The following HSD17B12 variants were observed in gnomAD, a reference collection of about 807,000 sequenced individuals.
HSD17B12 encodes the protein very-long-chain 3-oxoacyl-CoA reductase.
Under a neutral mutation model 39.3 loss-of-function variants are expected in HSD17B12, and 32 were observed. The observed-to-expected ratio is 0.81, with a 90% CI of 0.61 to 1.09. HSD17B12 has a LOEUF of 1.09. HSD17B12 is among the 50% of genes least tolerant of loss of function. HSD17B12 has a pLI of 0.00. For missense variants in HSD17B12, 342 were observed against 382.9 expected (o/e 0.89, Z 0.89); for synonymous variants, 150 against 146.7 (o/e 1.02, Z -0.16).
the HSD17B12 span, among the ~76,000 whole-genome samples, chr11:43,650,153 C>A: frequency 6.6e-6 from 1 of 152,076 alleles, no homozygotes; most frequent in Admixed American, 6.6e-5. Flanking sequence ...ATAACAGGAA[C>A]AAATACTGGG....
intron 1 of HSD17B12, among the ~76,000 whole-genome samples, chr11:43,682,023 T>C (rs886373684): frequency 1.3e-5 from 2 of 152,166 alleles, no homozygotes; most frequent in Admixed American, 6.6e-5. Context: ...TTTGGGGTGG[T>C]TAGGCATTGC....
the HSD17B12 span, among the ~76,000 whole-genome samples, chr11:43,565,149 G>A: frequency 2.0e-5 from 3 of 152,132 alleles, no homozygotes; most frequent in South Asian, 2.1e-4. Context: ...ATCCACCTGC[G>A]TTGGCCTCCC....
intron 4 of HSD17B12, among the ~76,000 whole-genome samples, chr11:43,801,694 T>C (rs1950971368): frequency 6.6e-6 from 1 of 151,578 alleles, no homozygotes; most frequent in South Asian, 2.1e-4. Flanking sequence ...GTCCTACAGA[T>C]ATAGTTTGGA....
chr11:43,577,332 G>A, the HSD17B12 span, among the ~76,000 whole-genome samples: 2 of 152,326 alleles, frequency 1.3e-5, no homozygotes, highest in South Asian at 4.1e-4. Flanking sequence ...GAGAGCTTTG[G>A]GGGGAAGGAG....
At chr11:43,633,623 G>A in the HSD17B12 span, among the ~76,000 whole-genome samples, 1,138 of 152,252 alleles carry the variant, frequency 7.5e-3, 16 homozygotes, top group African/African-American at 0.026. Flanking sequence ...TCTGAGAGAA[G>A]GAGAATGACT....
At chr11:43,702,440 G>A (rs2863001) in intron 1 of HSD17B12, among the ~76,000 whole-genome samples, 135,560 of 152,266 alleles carry the variant, frequency 0.89, 60,856 homozygotes, top group East Asian at 0.98. Context: ...GTTTTTCCCC[G>A]TTCTGTATGA....
At chr11:43,607,165 T>G in the HSD17B12 span, among the ~76,000 whole-genome samples, 1 of 152,194 alleles carries the variant, frequency 6.6e-6, no homozygotes, top group Non-Finnish European at 1.5e-5. Flanking sequence ...AGTAGGATAT[T>G]GTATCCTAAA....
chr11:43,584,009 C>T, the HSD17B12 span, among the ~76,000 whole-genome samples: 2 of 152,114 alleles, frequency 1.3e-5, no homozygotes, highest in Non-Finnish European at 2.9e-5. Context: ...GCCACAGAGT[C>T]CCCTCAAAGT....
chr11:43,828,243 C>T (rs1483418093), intron 6 of HSD17B12, among the ~76,000 whole-genome samples: 2 of 149,044 alleles, frequency 1.3e-5, no homozygotes, highest in African/African-American at 4.9e-5. Context: ...CCCGGGTTCA[C>T]GCCATTCTCC....
intron 2 of HSD17B12, among the ~76,000 whole-genome samples, chr11:43,751,476 A>G (rs778091608): frequency 1.7e-4 from 26 of 152,296 alleles, no homozygotes; most frequent in Admixed American, 7.2e-4. Context: ...GAGCCGGGGC[A>G]GTATTCTTTA....
chr11:43,767,928 C>G (rs1032172226), intron 3 of HSD17B12, among the ~76,000 whole-genome samples: 4 of 152,198 alleles, frequency 2.6e-5, no homozygotes, highest in Non-Finnish European at 5.9e-5. Context: ...TTATGGAACA[C>G]TTAATCATAT....
At chr11:43,688,859 T>G (rs1458933432) in intron 1 of HSD17B12, among the ~76,000 whole-genome samples, 1 of 152,222 alleles carries the variant, frequency 6.6e-6, no homozygotes, top group African/African-American at 2.4e-5. Context: ...ATTATGACAA[T>G]TAAATGAGAT....
At chr11:43,790,580 T>C (rs1228244280) in intron 3 of HSD17B12, among the ~76,000 whole-genome samples, 1 of 152,144 alleles carries the variant, frequency 6.6e-6, no homozygotes, top group Non-Finnish European at 1.5e-5. Flanking sequence ...ACTAAGTGAC[T>C]AAAGAGTGGG....
At chr11:43,578,662 T>C in the HSD17B12 span, among the ~76,000 whole-genome samples, 2 of 152,028 alleles carry the variant, frequency 1.3e-5, no homozygotes, top group Non-Finnish European at 2.9e-5. Context: ...GTGGTTGTGT[T>C]TACAAATTCT....
intron 1 of HSD17B12, among the ~76,000 whole-genome samples, chr11:43,713,098 C>G (rs1295139840): frequency 6.6e-6 from 1 of 152,146 alleles, no homozygotes; most frequent in Non-Finnish European, 1.5e-5. Context: ...TATTCTGTAT[C>G]TACACTGTAC....
chr11:43,854,352 C>T, intron 9 of HSD17B12: 1 of 173,508 alleles, frequency 5.8e-6, no homozygotes, highest in East Asian at 1.6e-4. Flanking sequence ...AGATCTCCTA[C>T]TTGGTGGTTC....
At chr11:43,777,438 A>T (rs1041542328) in intron 3 of HSD17B12, among the ~76,000 whole-genome samples, 3 of 152,078 alleles carry the variant, frequency 2.0e-5, no homozygotes, top group Admixed American at 1.3e-4. Context: ...GATGCTTGTG[A>T]TTTTTGCACA....
At chr11:43,826,262 T>C (rs1313161738) in intron 6 of HSD17B12, among the ~76,000 whole-genome samples, 2 of 151,988 alleles carry the variant, frequency 1.3e-5, no homozygotes, top group Non-Finnish European at 2.9e-5. Flanking sequence ...TTTTTGTATT[T>C]TTAGTAGAGA....
Position 43,751,857 on chromosome 11 carries a change from T to G in HSD17B12, c.207+900T>G, listed in dbSNP as rs374602489. Among the ~76,000 whole-genome samples, 106 of 152,336 alleles carry G rather than the reference T, an allele frequency of 7.0e-4. 1 individual carries two copies. The South Asian group carries it at 0.021, about 31-fold the overall frequency. On this transcript the variant is annotated intron_variant, in intron 2 of 10. Transcript: ENST00000278353. ...ATTTCAGGATGAATCTTCTAAGAGC[T>G]AAAACATTCACCCTTACAACCCCAA...
Sources: gnomAD v4.1 joint callset for allele counts (sites outside exome capture counted in the v4.1 genomes callset) on GRCh38, gnomAD v4.1.1 for gene constraint, MANE v1.5 for transcripts, NCBI Gene and HGNC (gene_info 2026-07-23, HGNC 2026-07-21) for gene names.